Variants in LIMS1 observed in about 807,000 individuals in gnomAD.
LIMS1 encodes LIM and senescent cell antigen-like-containing domain protein 1.
LIMS1 carries 18 observed loss-of-function variants against 44.1 expected under a neutral mutation model. The ratio of observed to expected loss-of-function variants is 0.41; its 90% CI spans 0.28 to 0.61. The LOEUF (loss-of-function observed/expected upper bound fraction) is 0.61. Among genes scored for constraint, LIMS1 ranks in the 20% least tolerant of loss-of-function variants. The probability of loss-of-function intolerance (pLI) is 0.32; values close to 1 mark genes in which losing one functional copy is unlikely to be tolerated. For synonymous variants in LIMS1, 93 were observed against 149.1 expected (o/e 0.62, Z 2.74); for missense variants, 201 against 422.0 (o/e 0.48, Z 4.59).
In LIMS1 at chr2:108,612,740, G is replaced by T. The variant is rs780625031; in HGVS notation, c.33-46865G>T. On this transcript the variant is annotated intron_variant, in intron 1 of 9. Transcript: ENST00000544547. ...CAAACCGACCATTCACAATATTCAC[G>T]TGGACTAGGTCTGGGTCATTTGGAG... Among the ~76,000 whole-genome samples the T allele has an allele frequency of 6.4e-4, 97 of 152,056 alleles. 1 individual carries two copies. Among genetic ancestry groups the T allele is most frequent in the Non-Finnish European group, 1.3e-4 (9 of 68,014 alleles).
chr2:108,560,075 A>C (rs1172662764), intron 1 of LIMS1, among the ~76,000 whole-genome samples: 1 of 152,134 alleles, frequency 6.6e-6, no homozygotes, highest in Non-Finnish European at 1.5e-5. Flanking sequence ...GGAGTTGTTC[A>C]GCTGTGTATT....
At chr2:108,654,196 G>GT (rs775216943) in intron 1 of LIMS1, among the ~76,000 whole-genome samples, 25 of 151,922 alleles carry the variant, frequency 1.6e-4, no homozygotes, top group Non-Finnish European at 3.1e-4. Flanking sequence ...TAGTGATTTA[G>GT]TTTCCTTTCG....
At chr2:108,534,489 G>T in exon 1 of LIMS1, 1 of 1,122,062 alleles carries the variant, frequency 8.9e-7, no homozygotes, top group Non-Finnish European at 1.1e-6. Context: ...CCGCGGCGGC[G>T]AGGGACTAGG....
At chr2:108,634,992 G>T (rs1008233005) in intron 1 of LIMS1, among the ~76,000 whole-genome samples, 1 of 152,196 alleles carries the variant, frequency 6.6e-6, no homozygotes, top group Admixed American at 6.5e-5. Flanking sequence ...GAACCCAGGA[G>T]CTCACATTGA....
Position 108,642,615 on chromosome 2 carries a change from T to A in LIMS1, c.33-16990T>A, listed in dbSNP as rs555556747. 3.9e-5 allele frequency among the ~76,000 whole-genome samples: 6 copies of A among 152,216 alleles called. No individual in the cohort carries two copies. The South Asian group carries it at 1.2e-3, about 32-fold the overall frequency. On this transcript the variant is annotated intron_variant, in intron 1 of 9. Transcript: ENST00000544547. ...ACCTCGTGATCCGCCCGCCTCGGCC[T>A]CCCAAAGTGCAGGGATTACAGGCGT...
exon 10 of LIMS1, chr2:108,685,205 G>A (rs1444425619): frequency 2.0e-5 from 3 of 152,154 alleles, no homozygotes; most frequent in Non-Finnish European, 4.4e-5. Context: ...TAAGTAGGAG[G>A]TATAAATGAC....
chr2:108,534,637 G>A (rs1238639098), intron 1 of LIMS1, 43 bp downstream of exon 1: 5 of 1,072,868 alleles, frequency 4.7e-6, no homozygotes, highest in East Asian at 5.9e-5. Context: ...CCGCCCCGCA[G>A]CTCCCGGCGG....
intron 1 of LIMS1, among the ~76,000 whole-genome samples, chr2:108,648,992 C>A (rs1319780642): frequency 6.6e-6 from 1 of 152,108 alleles, no homozygotes; most frequent in Non-Finnish European, 1.5e-5. Context: ...CAGGATCTGA[C>A]TAAACTAAAG....
At chr2:108,614,364 C>G (rs1380960371) in intron 1 of LIMS1, among the ~76,000 whole-genome samples, 1 of 152,126 alleles carries the variant, frequency 6.6e-6, no homozygotes, top group East Asian at 1.9e-4. Flanking sequence ...CTTCCAGATG[C>G]TGGGGAGGGT....
intron 1 of LIMS1, among the ~76,000 whole-genome samples, chr2:108,560,596 A>G (rs1245100028): frequency 6.6e-6 from 1 of 151,298 alleles, no homozygotes; most frequent in Non-Finnish European, 1.5e-5. Context: ...TTGCCCTGAC[A>G]CTCCTGATTG....
At chr2:108,636,681 T>C (rs1689275668) in intron 1 of LIMS1, among the ~76,000 whole-genome samples, 1 of 152,202 alleles carries the variant, frequency 6.6e-6, no homozygotes, top group African/African-American at 2.4e-5. Context: ...TTATATATTA[T>C]TGCTAGATGT....
chr2:108,635,159 G>C (rs925221414), intron 1 of LIMS1, among the ~76,000 whole-genome samples: 2 of 152,108 alleles, frequency 1.3e-5, no homozygotes, highest in African/African-American at 4.8e-5. Context: ...GGCTGGGCGC[G>C]GTGACTCACG....
chr2:108,682,997 G>GAAAAGTTGTCTTC (rs1357134372), intron 9 of LIMS1, among the ~76,000 whole-genome samples: 1 of 152,184 alleles, frequency 6.6e-6, no homozygotes, highest in Non-Finnish European at 1.5e-5. Flanking sequence ...GAGGCTATCT[G>GAAAAGTTGTCTTC]AAAAGTTGTC....
At chr2:108,605,490 T>A (rs1437615426) in intron 1 of LIMS1, among the ~76,000 whole-genome samples, 1 of 152,246 alleles carries the variant, frequency 6.6e-6, no homozygotes, top group Non-Finnish European at 1.5e-5. Flanking sequence ...ATAAAATTTT[T>A]TAAAATTTTC....
At chr2:108,579,887 G>C (rs948923823) in intron 1 of LIMS1, among the ~76,000 whole-genome samples, 2 of 152,224 alleles carry the variant, frequency 1.3e-5, no homozygotes, top group African/African-American at 4.8e-5. Context: ...ATCCCAAGAA[G>C]AGTTTAGGGA....
At chr2:108,640,687 G>A (rs1689613390) in intron 1 of LIMS1, among the ~76,000 whole-genome samples, 1 of 152,198 alleles carries the variant, frequency 6.6e-6, no homozygotes, top group Non-Finnish European at 1.5e-5. Flanking sequence ...ACATATTTAT[G>A]GGGTGCATGT....
chr2:108,583,291 C>T (rs1163531758), intron 1 of LIMS1, among the ~76,000 whole-genome samples: 1 of 151,988 alleles, frequency 6.6e-6, no homozygotes, highest in African/African-American at 2.4e-5. Context: ...GATCTGCCCG[C>T]CTAGGCCTCC....
At chr2:108,617,926 A>G (rs1338756210) in intron 1 of LIMS1, among the ~76,000 whole-genome samples, 1 of 152,238 alleles carries the variant, frequency 6.6e-6, no homozygotes, top group Non-Finnish European at 1.5e-5. Flanking sequence ...AGAAAGTTGT[A>G]ATTAGGGCCA....
At chr2:108,534,495 C>A in exon 1 of LIMS1, 1 of 1,148,444 alleles carries the variant, frequency 8.7e-7, no homozygotes, top group South Asian at 4.1e-5. Context: ...CGGCGAGGGA[C>A]TAGGACGCGG....
Sources: gnomAD v4.1 joint callset for allele counts (sites outside exome capture counted in the v4.1 genomes callset) on GRCh38, gnomAD v4.1.1 for gene constraint, MANE v1.5 for transcripts, NCBI Gene and HGNC (gene_info 2026-07-23, HGNC 2026-07-21) for gene names.